The following EP400 variants were observed in gnomAD, a reference collection of about 807,000 sequenced individuals.
EP400 encodes the protein E1A binding protein p400.
In EP400, 105 loss-of-function variants were observed where a neutral mutation model predicts 354.1. That is an observed-to-expected ratio of 0.30 (90% CI 0.25 to 0.35). EP400 has a LOEUF of 0.35. Ranked by LOEUF, EP400 falls within the 10% of genes least tolerant of loss-of-function variation. The probability of loss-of-function intolerance (pLI) is 1.00; values close to 1 mark genes in which losing one functional copy is unlikely to be tolerated. For synonymous variants in EP400, 1,646 were observed against 1,716.9 expected, an observed-to-expected ratio of 0.96 and a Z score of 1.02; for missense variants, 3,280 against 4,121.0, an observed-to-expected ratio of 0.80 and a Z score of 5.59.
chr12:132,073,281 T>C (rs1896119396), intron 51 of EP400, among the ~76,000 whole-genome samples: 1 of 151,600 alleles, frequency 6.6e-6, no homozygotes, highest in Non-Finnish European at 1.5e-5. Context: ...AAATTATATA[T>C]TTTCTTTCTG....
intron 2 of EP400, among the ~76,000 whole-genome samples, 153 bp from the exon 3 acceptor site, chr12:131,979,541 C>G (rs1195469840): frequency 6.6e-6 from 1 of 152,112 alleles, no homozygotes; most frequent in East Asian, 1.9e-4. Flanking sequence ...CATAAATATA[C>G]ATTACACATG....
Position 132,069,582 on chromosome 12 carries a change from A to G in EP400, c.8962A>G (p.Thr2988Ala). ...GGCCCTTAAGACCCAGTTTCTTACC[A>G]CACCCATCTCCCAGGCCCAGAAACT... ...QPALKTQFLT[T>A]PISQAQKLAG... Residue 2988 changes from threonine to alanine, a missense_variant, in exon 51 of 53, where the codon ACA (threonine) becomes GCA (alanine). Transcript: ENST00000389561. 1 of 1,614,170 alleles carries G rather than the reference A, an allele frequency of 6.2e-7. No individual in the cohort carries two copies. The highest frequency in any genetic ancestry group is 8.5e-7 in the Non-Finnish European group (1 of 1,180,012).
intron 19 of EP400, among the ~76,000 whole-genome samples, chr12:132,015,261 C>A (rs1394175350): frequency 6.6e-6 from 1 of 152,248 alleles, no homozygotes; most frequent in African/African-American, 2.4e-5. Flanking sequence ...AGCAGCACTT[C>A]ATTCCACACC....
rs58567170 is a variant in EP400, at chr12:131,956,873, C to CTTT, written c.-35-3694_-35-3692dup. 2.0e-3 allele frequency among the ~76,000 whole-genome samples: 227 copies of CTTT among 115,346 alleles called. 8 individuals are homozygous for CTTT. The highest frequency in any genetic ancestry group is 3.3e-3 in the South Asian group (12 of 3,590). The allele number at this position is 115,346 out of a possible 152,430, so 75.7% of individuals were successfully genotyped here. A position where few individuals can be genotyped will look rare whatever the true frequency, so the allele number is the denominator to read the frequency against. On this transcript the variant is annotated intron_variant, in intron 1 of 52. Transcript: ENST00000389561. ...CTTTTGTGAACTGTCTTTTTTTGTCCTTTTTTTTTTTTTTTTTTTTAGGAG... is the reference window on the plus strand; with the variant it reads ...CTTTTGTGAACTGTCTTTTTTTGTCCTTTTTTTTTTTTTTTTTTTTTTTAGGAG...
intron 52 of EP400, 53 bp from the exon 53 acceptor site, chr12:132,077,348 T>C: frequency 1.3e-6 from 2 of 1,575,642 alleles, no homozygotes; most frequent in Non-Finnish European, 1.7e-6. Flanking sequence ...CATTTTCCTG[T>C]CCCTGGACTG....
chr12:132,009,029 T>G (rs1179641900), intron 15 of EP400, among the ~76,000 whole-genome samples: 2 of 134,380 alleles, frequency 1.5e-5, no homozygotes, highest in Non-Finnish European at 3.1e-5. Flanking sequence ...TCCTCCCACC[T>G]CAGCCTCCTA....
intron 1 of EP400, among the ~76,000 whole-genome samples, chr12:131,958,932 A>G (rs1891790084): frequency 6.6e-6 from 1 of 152,200 alleles, no homozygotes; most frequent in Non-Finnish European, 1.5e-5. Context: ...GTCTTGGAGT[A>G]AGCAAGAAGA....
At chr12:132,073,276 A>G (rs574128901) in intron 51 of EP400, among the ~76,000 whole-genome samples, 2 of 126,064 alleles carry the variant, frequency 1.6e-5, no homozygotes, top group South Asian at 4.8e-4. Context: ...GTGAAAAATT[A>G]TATATTTTCT....
chr12:132,031,705 G>A (rs958611609), intron 29 of EP400, among the ~76,000 whole-genome samples: 42 of 152,110 alleles, frequency 2.8e-4, no homozygotes, highest in Non-Finnish European at 4.1e-4. Context: ...GCAGGCGCCT[G>A]CCACCACGCC....
chr12:132,039,248 TG>T (rs1196269760), intron 32 of EP400, among the ~76,000 whole-genome samples: 6 of 152,220 alleles, frequency 3.9e-5, no homozygotes. Flanking sequence ...AAGGAATACC[TG>T]AGACTGGGTG....
chr12:131,981,436 TTC>T, intron 3 of EP400, 51 bp from the exon 4 acceptor site: 1 of 1,420,670 alleles, frequency 7.0e-7, no homozygotes. Flanking sequence ...TTTCTACTAC[TTC>T]TCTGGTTTTA....
Position 132,032,074 on chromosome 12 carries a change from T to G in EP400, c.5876T>G (p.Leu1959Arg). ...ACCGTCGTGTTTTATGACAATGACC[T>G]GAATCCAGTGATGGATGCCAAAGCT... Reference protein sequence around the residue: ...ADTVVFYDNDLNPVMDAKAQE... With the variant: ...ADTVVFYDNDRNPVMDAKAQE... The change falls in exon 30 of 53, where the codon CTG becomes CGG. Residue 1959 changes from leucine (L) to arginine (R), a missense_variant. Leu to Arg is a moderately radical substitution (Grantham distance 102). Transcript: ENST00000389561. 6.2e-7 allele frequency: 1 copy of G among 1,614,134 alleles called. No individual in the cohort carries two copies. The highest frequency in any genetic ancestry group is 8.5e-7 in the Non-Finnish European group (1 of 1,180,024).
intron 50 of EP400, chr12:132,069,173 C>G (rs1248521622): frequency 3.1e-6 from 1 of 325,954 alleles, no homozygotes; most frequent in Non-Finnish European, 5.7e-6. Context: ...AAGTAGCAGC[C>G]CCGTGCAGGT....
intron 6 of EP400, among the ~76,000 whole-genome samples, chr12:131,987,049 C>A (rs1184567221): frequency 6.6e-6 from 1 of 152,090 alleles, no homozygotes; most frequent in African/African-American, 2.4e-5. Flanking sequence ...GGGCAGTAGA[C>A]GAGGGTGGGA....
In EP400 at chr12:132,029,848, C is replaced by T. The variant is rs756670852; in HGVS notation, c.5529C>T (p.Thr1843=). 6.2e-7 allele frequency: 1 copy of T among 1,612,718 alleles called. No individual in the cohort carries two copies. The part of the protein sequence containing the change: ...AAPYFQQLRQ[T]TAPRLLQFPE... ...CGTACTTCCAGCAGCTGCGGCAGAC[C>T]ACGGCTCCACGCCTGCTGCAGTTCC... is the stretch of plus-strand genomic sequence containing the variant. Residue 1843 remains threonine (T), a synonymous_variant, in exon 28 of 53, where the codon ACC becomes ACT. Coordinates refer to ENST00000389561, the MANE Select transcript of EP400 (RefSeq NM_015409.5). The surrounding 1 kb of genome is among the most constrained non-coding windows in gnomAD (Gnocchi z 4.7).
intron 12 of EP400, among the ~76,000 whole-genome samples, chr12:132,002,960 A>G (rs1245567492): frequency 6.6e-6 from 1 of 152,226 alleles, no homozygotes; most frequent in Admixed American, 6.5e-5. Flanking sequence ...AAGTATATTT[A>G]GCTCTTCATG....
chr12:132,040,148 CAAAT>C (rs1431180231), intron 32 of EP400, among the ~76,000 whole-genome samples: 6 of 152,178 alleles, frequency 3.9e-5, no homozygotes, highest in East Asian at 1.9e-4. Flanking sequence ...TCAGGAAAAT[CAAAT>C]AAAAACCACA....
In EP400 at chr12:132,008,887, T is replaced by G. The variant is rs527765178; in HGVS notation, c.3304+2010T>G. On this transcript the variant is annotated intron_variant, in intron 15 of 52. Transcript: ENST00000389561. ...CACCCACCTCAGCCTCCCAAAGTGC[T>G]GGGATTACAGGCGTGAGACACCGTG... Among the ~76,000 whole-genome samples, 421 of 148,914 alleles carry G rather than the reference T, an allele frequency of 2.8e-3. 3 individuals are homozygous for G. Among genetic ancestry groups the G allele is most frequent in the African/African-American group, 0.01 (408 of 40,634 alleles).
intron 51 of EP400, chr12:132,076,130 T>C (rs1896230056): frequency 2.8e-6 from 1 of 362,652 alleles, no homozygotes. Flanking sequence ...ACTGTACAGC[T>C]CATTACTGGA....
Sources: gnomAD v4.1 joint callset for allele counts (sites outside exome capture counted in the v4.1 genomes callset) on GRCh38, gnomAD v4.1.1 for gene constraint, Gnocchi (gnomAD v3.1) non-coding constraint, MANE v1.5 for transcripts, NCBI Gene and HGNC (gene_info 2026-07-23, HGNC 2026-07-21) for gene names.